The following SCHIP1 variants were observed in gnomAD, a reference collection of about 807,000 sequenced individuals.
SCHIP1 encodes schwannomin interacting protein 1, also known as schwannomin-interacting protein 1.
A neutral mutation model predicts 29.7 loss-of-function variants in SCHIP1; 8 were observed. The ratio of observed to expected loss-of-function variants is 0.27; its 90% confidence interval spans 0.16 to 0.49. SCHIP1 has a LOEUF of 0.49. Ranked by LOEUF, SCHIP1 falls within the 20% of genes least tolerant of loss-of-function variation. SCHIP1 has a pLI of 0.99. For missense variants in SCHIP1, 193 were observed against 294.6 expected, an observed-to-expected ratio of 0.66 and a Z score of 2.52; for synonymous variants, 76 against 94.9, an observed-to-expected ratio of 0.80 and a Z score of 1.16.
chr3:159,833,050 A>G, the SCHIP1 span, among the ~76,000 whole-genome samples: 1 of 152,214 alleles, frequency 6.6e-6, no homozygotes, highest in Admixed American at 6.5e-5. Context: ...TACTATCTTC[A>G]GTTTCAGGCA....
At chr3:159,886,102 G>A in intron 2 of SCHIP1, 105 bp from the exon 4 acceptor site, 1 of 1,126,812 alleles carries the variant, frequency 8.9e-7, no homozygotes, top group South Asian at 1.4e-5. Flanking sequence ...TCCATGTGAA[G>A]AACACATAAG....
chr3:159,287,605 G>T, the SCHIP1 span, among the ~76,000 whole-genome samples: 1 of 151,856 alleles, frequency 6.6e-6, no homozygotes, highest in Admixed American at 6.6e-5. Flanking sequence ...AATTTATACC[G>T]CATTGCTATA....
the SCHIP1 span, among the ~76,000 whole-genome samples, chr3:159,448,135 A>G: frequency 0.025 from 3,794 of 152,298 alleles, 171 homozygotes; most frequent in African/African-American, 0.086. Flanking sequence ...TGATGATGTA[A>G]CTGTGAGGAT....
the SCHIP1 span, among the ~76,000 whole-genome samples, chr3:159,513,312 A>AT: frequency 6.6e-6 from 1 of 152,302 alleles, no homozygotes; most frequent in African/African-American, 2.4e-5. Context: ...TGTTTGTTAT[A>AT]TTATTCTTAT....
chr3:159,290,480 G>A, the SCHIP1 span, among the ~76,000 whole-genome samples: 1 of 152,100 alleles, frequency 6.6e-6, no homozygotes, highest in Non-Finnish European at 1.5e-5. Flanking sequence ...TGGTTTTAAA[G>A]TTTTGAACTT....
the SCHIP1 span, among the ~76,000 whole-genome samples, chr3:159,523,079 C>G: frequency 6.6e-6 from 1 of 152,170 alleles, no homozygotes; most frequent in Non-Finnish European, 1.5e-5. Context: ...TCTCAACCAC[C>G]TTCACCCCTT....
chr3:159,504,537 C>A, the SCHIP1 span, among the ~76,000 whole-genome samples: 1 of 152,154 alleles, frequency 6.6e-6, no homozygotes, highest in Non-Finnish European at 1.5e-5. Flanking sequence ...AACACACCAG[C>A]ATTGCTTATG....
At chr3:159,554,189 G>GT in the SCHIP1 span, among the ~76,000 whole-genome samples, 1 of 152,092 alleles carries the variant, frequency 6.6e-6, no homozygotes, top group Non-Finnish European at 1.5e-5. Context: ...AAAGCAATTG[G>GT]TTTCTTAGAA....
chr3:159,853,438 T>C lies in SCHIP1; in HGVS notation c.31-12725T>C, dbSNP rs1712914741. On this transcript the variant is annotated intron_variant, in intron 1 of 6. Coordinates refer to ENST00000445224, the Ensembl canonical transcript of SCHIP1. ...ATCAGTCAAGAATCCTCATTGGATA[T>C]GGAGGGGAATTATAAAAAGGTAAGG... is the stretch of plus-strand genomic sequence containing the variant. 4.3e-6 allele frequency: 3 copies of C among 697,992 alleles called. No homozygotes were observed. In the African/African-American group the frequency reaches 5.3e-5, roughly 12 times the overall value. 43.2% of individuals were successfully genotyped at this position (697,992 alleles called of 1,614,324 possible).
At chr3:159,306,617 C>G in the SCHIP1 span, 4 of 836,892 alleles carry the variant, frequency 4.8e-6, no homozygotes, top group African/African-American at 1.8e-5. Flanking sequence ...CACCTCACTA[C>G]TTTAGCCTTC....
chr3:159,474,392 A>G, the SCHIP1 span, among the ~76,000 whole-genome samples: 75 of 152,264 alleles, frequency 4.9e-4, no homozygotes, highest in African/African-American at 1.6e-3. Context: ...GAAAGCTTTG[A>G]CAACTTCTAA....
the SCHIP1 span, among the ~76,000 whole-genome samples, chr3:159,547,761 T>A: frequency 6.6e-6 from 1 of 152,194 alleles, no homozygotes; most frequent in African/African-American, 2.4e-5. Flanking sequence ...TCTGTTCCAC[T>A]GGTCTATATA....
the SCHIP1 span, among the ~76,000 whole-genome samples, chr3:159,427,888 C>A: frequency 6.8e-6 from 1 of 148,078 alleles, no homozygotes; most frequent in Non-Finnish European, 1.5e-5. Flanking sequence ...AGAAATAACG[C>A]CGCATATCTA....
chr3:159,461,871 C>A, the SCHIP1 span, among the ~76,000 whole-genome samples: 1 of 152,054 alleles, frequency 6.6e-6, no homozygotes, highest in Admixed American at 6.6e-5. Context: ...AGTAGATGAT[C>A]ATTACAGAAA....
chr3:159,413,591 C>A, the SCHIP1 span, among the ~76,000 whole-genome samples: 1 of 152,134 alleles, frequency 6.6e-6, no homozygotes, highest in African/African-American at 2.4e-5. Flanking sequence ...CTGAGTATGT[C>A]TGAAGGCTTT....
chr3:159,502,508 C>T, the SCHIP1 span, among the ~76,000 whole-genome samples: 1 of 152,142 alleles, frequency 6.6e-6, no homozygotes, highest in East Asian at 1.9e-4. Context: ...TATTATACTT[C>T]TTTAAGTAAG....
the SCHIP1 span, among the ~76,000 whole-genome samples, chr3:159,697,641 T>G: frequency 1.3e-5 from 2 of 152,284 alleles, no homozygotes; most frequent in South Asian, 4.1e-4. Flanking sequence ...TCTTCCTTAG[T>G]ATAAAATATT....
chr3:159,567,349 G>C, the SCHIP1 span, among the ~76,000 whole-genome samples: 1 of 152,024 alleles, frequency 6.6e-6, no homozygotes, highest in East Asian at 1.9e-4. Flanking sequence ...TATCAAATTT[G>C]TTTATCTTTT....
the SCHIP1 span, among the ~76,000 whole-genome samples, chr3:159,770,554 G>A: frequency 7.2e-5 from 11 of 152,178 alleles, no homozygotes; most frequent in African/African-American, 1.9e-4. Flanking sequence ...CCACTGTGCC[G>A]GGCCTGAATA....
Sources: gnomAD v4.1 joint callset for allele counts (sites outside exome capture counted in the v4.1 genomes callset) on GRCh38, gnomAD v4.1.1 for gene constraint, MANE v1.5 for transcripts, NCBI Gene and HGNC (gene_info 2026-07-23, HGNC 2026-07-21) for gene names.